PHACTR2: variants seen among roughly 807,000 people sequenced by gnomAD.
PHACTR2 encodes phosphatase and actin regulator 2.
PHACTR2 carries 30 observed loss-of-function variants against 76.0 expected under a neutral mutation model. The ratio of observed to expected loss-of-function variants is 0.39; its 90% confidence interval spans 0.30 to 0.54. The LOEUF (loss-of-function observed/expected upper bound fraction) is 0.54, where lower values mean the gene tolerates loss of function less well. Ranked by LOEUF, PHACTR2 falls within the 20% of genes least tolerant of loss-of-function variation. PHACTR2 has a pLI of 0.61. For missense variants in PHACTR2, 696 were observed against 781.1 expected (o/e 0.89, Z 1.30); for synonymous variants, 292 against 292.5 (o/e 1.00, Z 0.02).
chr6:143,570,971 T>G lies in PHACTR2; in HGVS notation c.217+33764T>G, dbSNP rs1426445100. ...GACTCGAAGACGCAAATTATATTCC[T>G]ATTTTTCATGAAATTTAAAAAACTT... is the stretch of plus-strand genomic sequence containing the variant. On this transcript the variant is annotated intron_variant, in intron 1 of 11. Transcript: ENST00000367584. This position sits in a 1 kb window ranked among gnomAD's most constrained non-coding sequence, Gnocchi z 4.6. Among the ~76,000 whole-genome samples, 2 of 152,208 alleles carry G rather than the reference T, an allele frequency of 1.3e-5. No individual in the cohort carries two copies. The highest frequency in any genetic ancestry group is 2.9e-5 in the Non-Finnish European group (2 of 68,030).
intron 1 of PHACTR2, among the ~76,000 whole-genome samples, chr6:143,685,600 G>A (rs371312066): frequency 2.0e-5 from 3 of 149,854 alleles, no homozygotes; most frequent in East Asian, 3.9e-4. Flanking sequence ...ACCAAAGTAC[G>A]AGAGCTAAGA....
chr6:143,778,506 C>T (rs775976900), intron 9 of PHACTR2, among the ~76,000 whole-genome samples: 9 of 150,566 alleles, frequency 6.0e-5, no homozygotes, highest in Non-Finnish European at 1.0e-4. Context: ...GAATACAGCT[C>T]CAGGAAGGAC....
At position 143,753,205 on chromosome 6, in the gene PHACTR2, G is replaced by A. The variant is rs556781030; in HGVS notation, c.296-549G>A. Among the ~76,000 whole-genome samples the A allele has an allele frequency of 1.2e-4, 18 of 152,066 alleles. No homozygotes were observed. The highest frequency in any genetic ancestry group is 4.1e-4 in the African/African-American group (17 of 41,486). On this transcript the variant is annotated intron_variant, in intron 3 of 12. Coordinates refer to ENST00000440869, the MANE Select transcript of PHACTR2 (RefSeq NM_001100164.2). The surrounding 1 kb of genome is among the most constrained non-coding windows in gnomAD (Gnocchi z 4.6). ...ATAGCCTTGCTATCATGTTTTCCCT[G>A]AACATAGAGTAGCAGTTATATTACT...
rs1776561529 is a variant in PHACTR2, at chr6:143,827,188, A to ATATATATATATATG, written c.*3510_*3511insATGTATATATATAT. The ATATATATATATATG allele has an allele frequency of 3.1e-5, 4 of 130,170 alleles. No individual in the cohort carries two copies. The highest frequency in any genetic ancestry group is 2.4e-4 in the South Asian group (1 of 4,196). 8.1% of individuals were successfully genotyped at this position (130,170 alleles called of 1,614,324 possible). ...TATATATATATATATATATATATAT[A>ATATATATATATATG]TATATATATATGTATATTATATATA... On this transcript the variant is annotated 3_prime_UTR_variant, in exon 13 of 13. Transcript: ENST00000440869.
chr6:143,721,485 G>A (rs1373909346), intron 2 of PHACTR2, among the ~76,000 whole-genome samples: 2 of 152,072 alleles, frequency 1.3e-5, no homozygotes, highest in African/African-American at 2.4e-5. Context: ...TCTCTCTCTA[G>A]GGCAGGAATC....
chr6:143,805,561 A>G (rs1776047265), intron 11 of PHACTR2, among the ~76,000 whole-genome samples: 3 of 151,444 alleles, frequency 2.0e-5, no homozygotes, highest in Admixed American at 2.0e-4. Context: ...GAGCAGCCTC[A>G]CTCTTTCTCC....
rs1775199257 is a variant in PHACTR2 at position 143,557,742 on chromosome 6, C to A, written c.217+20535C>A. The A allele has an allele frequency of 6.6e-6, 1 of 152,178 alleles. No individual in the cohort carries two copies. The highest frequency in any genetic ancestry group is 2.4e-5 in the African/African-American group (1 of 41,422). The allele number at this position is 152,178 out of a possible 1,614,324, so 9.4% of individuals were successfully genotyped here. A position where few individuals can be genotyped will look rare whatever the true frequency, so the allele number is the denominator to read the frequency against. On this transcript the variant is annotated intron_variant, in intron 1 of 11. Transcript: ENST00000367584. The surrounding 1 kb of genome is among the most constrained non-coding windows in gnomAD (Gnocchi z 5.5). ...CCCTCCTTCGTCAGCATGCTGCCAC[C>A]TTTGAAACACAGGCGTGTTGTTTCT...
chr6:143,725,618 C>T (rs1200167725), intron 2 of PHACTR2, among the ~76,000 whole-genome samples: 5 of 151,470 alleles, frequency 3.3e-5, no homozygotes, highest in African/African-American at 4.9e-5. Context: ...AGGTGGATCA[C>T]GAGGTCAAGA....
chr6:143,565,571 C>T (rs1775351622), intron 1 of PHACTR2, among the ~76,000 whole-genome samples: 1 of 149,854 alleles, frequency 6.7e-6, no homozygotes, highest in South Asian at 2.1e-4. Context: ...CGCCACTGCA[C>T]TCCAGCCTGG....
In PHACTR2 at chr6:143,700,491, G is replaced by T. The variant is rs911884752; in HGVS notation, c.47-11525G>T. ...AATCACTTGGACCCAGGAGCCGGAGGTTGCAGTGAGCTGAGATCTCACCAC... is the reference window on the plus strand; with the variant it reads ...AATCACTTGGACCCAGGAGCCGGAGTTTGCAGTGAGCTGAGATCTCACCAC... On this transcript the variant is annotated intron_variant, in intron 1 of 12. Transcript: ENST00000440869. This position sits in a 1 kb window ranked among gnomAD's most constrained non-coding sequence, Gnocchi z 4.1. Among the ~76,000 whole-genome samples, 3 of 152,152 alleles carry T rather than the reference G, an allele frequency of 2.0e-5. No individual in the cohort carries two copies. The highest frequency in any genetic ancestry group is 1.9e-4 in the East Asian group (1 of 5,188).
At chr6:143,575,863 G>A (rs1319182096) in intron 1 of PHACTR2, among the ~76,000 whole-genome samples, 1 of 140,396 alleles carries the variant, frequency 7.1e-6, no homozygotes, top group African/African-American at 2.7e-5. Context: ...GTCTTTCTAA[G>A]TGGACATTTG....
chr6:143,771,529 C>A (rs575781935), intron 6 of PHACTR2, among the ~76,000 whole-genome samples: 3 of 151,594 alleles, frequency 2.0e-5, no homozygotes, highest in African/African-American at 2.4e-5. Context: ...CTCCACCTCC[C>A]GGGTTCAAGC....
rs1775782256 is a variant in PHACTR2, at chr6:143,598,944, G to C, written c.217+61737G>C. Among the ~76,000 whole-genome samples, 1 of 152,166 alleles carries C rather than the reference G, an allele frequency of 6.6e-6. No individual in the cohort carries two copies. The highest frequency in any genetic ancestry group is 2.1e-4 in the South Asian group (1 of 4,820). ...AGTGGCGTGAATAGTAAACATAGTAGATTAGTCCTTTGTAATTAAATTTAG... is the reference window on the plus strand; with the variant it reads ...AGTGGCGTGAATAGTAAACATAGTACATTAGTCCTTTGTAATTAAATTTAG... On this transcript the variant is annotated intron_variant, in intron 1 of 11. Transcript: ENST00000367584. This position sits in a 1 kb window ranked among gnomAD's most constrained non-coding sequence, Gnocchi z 4.1.
In PHACTR2 at chr6:143,712,024, C is replaced by G; in HGVS notation, c.55C>G (p.Leu19Val). Residue 19 changes from leucine (L) to valine (V), a missense_variant, in exon 2 of 13, where the codon CTG (leucine) becomes GTG (valine). Coordinates refer to ENST00000440869, the MANE Select transcript of PHACTR2 (RefSeq NM_001100164.2). ...TATCTTTCTTTATACAGTTGACGGA[C>G]TGGACAAAGCTTCTATAGCAAACTC... ...LSPQPGSVDGLDKASIANSDG... is the reference protein window; with the variant it reads ...LSPQPGSVDGVDKASIANSDG... 6.3e-7 allele frequency: 1 copy of G among 1,589,792 alleles called. No individual in the cohort carries two copies. Among genetic ancestry groups the G allele is most frequent in the Non-Finnish European group, 8.5e-7 (1 of 1,169,836 alleles).
At chr6:143,650,020 A>G (rs1182323013) in intron 1 of PHACTR2, among the ~76,000 whole-genome samples, 1 of 152,222 alleles carries the variant, frequency 6.6e-6, no homozygotes, top group East Asian at 1.9e-4. Context: ...ATGTACAAAA[A>G]TTATTAGCAT....
In PHACTR2 at chr6:143,680,449, A is replaced by T. The variant is rs1357251592; in HGVS notation, c.46+2240A>T. Among the ~76,000 whole-genome samples the T allele has an allele frequency of 2.0e-5, 3 of 152,198 alleles. No individual in the cohort carries two copies. In the East Asian group the frequency reaches 5.8e-4, roughly 29 times the overall value. ...CAAAGGAATCAATAGCACAGAGTTT[A>T]ATTATTCATACTTATCGCTCAATTT... On this transcript the variant is annotated intron_variant, in intron 1 of 12. Coordinates refer to ENST00000440869, the MANE Select transcript of PHACTR2 (RefSeq NM_001100164.2). This position sits in a 1 kb window ranked among gnomAD's most constrained non-coding sequence, Gnocchi z 4.5.
Position 143,540,354 on chromosome 6 carries a change from A to G in PHACTR2, c.217+3147A>G, listed in dbSNP as rs1225225152. Among the ~76,000 whole-genome samples, 4 of 152,160 alleles carry G rather than the reference A, an allele frequency of 2.6e-5. No individual in the cohort carries two copies. The East Asian group carries it at 7.7e-4, about 29-fold the overall frequency. On this transcript the variant is annotated intron_variant, in intron 1 of 11. Coordinates refer to the PHACTR2 transcript ENST00000367584. ...AGTTGTCAGAGAACAGCCTCCCTCCAGAACGACAGACCATCCTTGCTACCT... is the reference window on the plus strand; with the variant it reads ...AGTTGTCAGAGAACAGCCTCCCTCCGGAACGACAGACCATCCTTGCTACCT...
At position 143,614,146 on chromosome 6, in the gene PHACTR2, C is replaced by T. The variant is rs1365669947; in HGVS notation, c.13+5824C>T. Among the ~76,000 whole-genome samples, 6 of 152,196 alleles carry T rather than the reference C, an allele frequency of 3.9e-5. No individual in the cohort carries two copies. The South Asian group carries it at 8.3e-4, about 21-fold the overall frequency. ...CTGAGGTGGGAGAATTGCTTGAACC[C>T]GGGAGGCAGAGGTTGCAGTGAGCCG... On this transcript the variant is annotated intron_variant, in intron 1 of 11. Coordinates refer to the PHACTR2 transcript ENST00000305766.
At position 143,700,795 on chromosome 6, in the gene PHACTR2, A is replaced by G. The variant is rs1197450623; in HGVS notation, c.47-11221A>G. Among the ~76,000 whole-genome samples the G allele has an allele frequency of 1.3e-5, 2 of 152,156 alleles. No individual in the cohort carries two copies. Among genetic ancestry groups the G allele is most frequent in the Non-Finnish European group, 2.9e-5 (2 of 68,034 alleles). ...TTTTCACAAACACAGCACACACTCT[A>G]CACACCATGACCTGCTCCACTTCAG... On this transcript the variant is annotated intron_variant, in intron 1 of 12. Transcript: ENST00000440869. The surrounding 1 kb of genome is among the most constrained non-coding windows in gnomAD (Gnocchi z 4.1).
Sources: gnomAD v4.1 joint callset for allele counts (sites outside exome capture counted in the v4.1 genomes callset) on GRCh38, gnomAD v4.1.1 for gene constraint, Gnocchi (gnomAD v3.1) non-coding constraint, MANE v1.5 for transcripts, NCBI Gene and HGNC (gene_info 2026-07-23, HGNC 2026-07-21) for gene names.